The following CACNA1E variants were observed in gnomAD, a reference collection of about 807,000 sequenced individuals.
CACNA1E encodes the protein voltage-dependent R-type calcium channel subunit alpha-1E.
Under a neutral mutation model 259.2 loss-of-function variants are expected in CACNA1E, and 40 were observed. That is an observed-to-expected ratio of 0.15 (90% confidence interval 0.12 to 0.20). The LOEUF (loss-of-function observed/expected upper bound fraction) is 0.20, where lower values mean the gene tolerates loss of function less well. Ranked by LOEUF, CACNA1E falls within the 10% of genes least tolerant of loss-of-function variation. CACNA1E has a pLI of 1.00. For synonymous variants in CACNA1E, 1,104 were observed against 1,138.5 expected (o/e 0.97, Z 0.61); for missense variants, 1,874 against 3,040.1 (o/e 0.62, Z 9.02).
intron 2 of CACNA1E, among the ~76,000 whole-genome samples, chr1:181,459,691 C>A (rs1288069800): frequency 1.3e-5 from 2 of 152,222 alleles, no homozygotes; most frequent in African/African-American, 4.8e-5. Context: ...CCAGTTGTCA[C>A]TGCAGTGACT....
At chr1:181,481,831 AT>A (rs112307667), upstream of CACNA1E, among the ~76,000 whole-genome samples, 18,226 of 140,810 alleles carry the variant, frequency 0.13, 1,175 homozygotes, top group Non-Finnish European at 0.15. Context: ...TACCAATTCT[AT>A]TTTTTTTTTT....
At chr1:181,612,184 A>T (rs569319478) in intron 6 of CACNA1E, among the ~76,000 whole-genome samples, 1 of 152,300 alleles carries the variant, frequency 6.6e-6, no homozygotes, top group African/African-American at 2.4e-5. Context: ...CCATCCCAAC[A>T]TCTGTAGGGA....
intron 2 of CACNA1E, among the ~76,000 whole-genome samples, chr1:181,421,751 T>C (rs1658760123): frequency 1.3e-5 from 2 of 152,182 alleles, no homozygotes. Context: ...CTCCCAAACA[T>C]ATCCCAAGTC....
At chr1:181,527,973 A>C (rs1170791276) in intron 3 of CACNA1E, among the ~76,000 whole-genome samples, 1 of 151,892 alleles carries the variant, frequency 6.6e-6, no homozygotes, top group Non-Finnish European at 1.5e-5. Flanking sequence ...CTTTTAAACC[A>C]GTTTTTTATA....
chr1:181,773,219 G>C (rs570643458), intron 37 of CACNA1E, among the ~76,000 whole-genome samples: 12 of 152,300 alleles, frequency 7.9e-5, no homozygotes, highest in African/African-American at 2.9e-4. Context: ...TCTCCAGTGA[G>C]GGGGGTGGGC....
chr1:181,383,968 T>C (rs1655653174), intron 1 of CACNA1E, among the ~76,000 whole-genome samples: 1 of 152,258 alleles, frequency 6.6e-6, no homozygotes, highest in Non-Finnish European at 1.5e-5. Flanking sequence ...CAACTTTCCA[T>C]GCCTCTGCTA....
chr1:181,749,693 T>G (rs549143506), intron 25 of CACNA1E, among the ~76,000 whole-genome samples: 2 of 152,340 alleles, frequency 1.3e-5, no homozygotes, highest in Non-Finnish European at 2.9e-5. Context: ...TCAAAAAATT[T>G]AGAAGTTGTC....
chr1:181,591,103 G>T (rs141149299), intron 6 of CACNA1E, among the ~76,000 whole-genome samples: 1 of 152,310 alleles, frequency 6.6e-6, no homozygotes, highest in African/African-American at 2.4e-5. Context: ...TGAGGAAATA[G>T]AAAATGAAGG....
intron 1 of CACNA1E, among the ~76,000 whole-genome samples, chr1:181,322,893 G>C (rs1306047256): frequency 6.6e-6 from 1 of 152,194 alleles, no homozygotes; most frequent in Non-Finnish European, 1.5e-5. Flanking sequence ...GGGGCTGAGG[G>C]AGGGCACAGC....
At chr1:181,549,051 G>T (rs549493936) in intron 3 of CACNA1E, among the ~76,000 whole-genome samples, 168 of 152,132 alleles carry the variant, frequency 1.1e-3, no homozygotes, top group Non-Finnish European at 1.8e-3. Flanking sequence ...ATTCTTAATC[G>T]ATCCCAAGCC....
intron 1 of CACNA1E, among the ~76,000 whole-genome samples, chr1:181,488,485 A>T (rs556740633): frequency 5.9e-5 from 9 of 152,348 alleles, no homozygotes; most frequent in Admixed American, 2.6e-4. Context: ...TGAGCATCCC[A>T]GGACAATCTC....
chr1:181,539,851 A>G (rs1250888017), intron 3 of CACNA1E, among the ~76,000 whole-genome samples: 2 of 152,218 alleles, frequency 1.3e-5, no homozygotes, highest in South Asian at 2.1e-4. Context: ...TAGTGGCCAC[A>G]TGTAAAAGTG....
chr1:181,561,374 G>T (rs1275833615), intron 3 of CACNA1E, among the ~76,000 whole-genome samples: 1 of 152,104 alleles, frequency 6.6e-6, no homozygotes, highest in Non-Finnish European at 1.5e-5. Context: ...AATGTATATA[G>T]TTGGCTAACT....
At chr1:181,588,034 C>A (rs1008958296) in intron 6 of CACNA1E, among the ~76,000 whole-genome samples, 2 of 152,234 alleles carry the variant, frequency 1.3e-5, no homozygotes, top group African/African-American at 4.8e-5. Context: ...TTGATGCTCG[C>A]ACTGCCCCCA....
intron 2 of CACNA1E, among the ~76,000 whole-genome samples, chr1:181,416,780 A>G (rs1658305168): frequency 6.6e-6 from 1 of 152,142 alleles, no homozygotes; most frequent in African/African-American, 2.4e-5. Context: ...CGTGCATGTC[A>G]TCAGATAATA....
intron 7 of CACNA1E, among the ~76,000 whole-genome samples, chr1:181,699,404 A>T (rs932419693): frequency 1.4e-4 from 22 of 152,222 alleles, no homozygotes; most frequent in African/African-American, 4.8e-4. Context: ...TAATGGGGCC[A>T]TTAATTTTAA....
chr1:181,704,625 AGTGT>A (rs1200827433), intron 7 of CACNA1E, among the ~76,000 whole-genome samples: 1 of 152,054 alleles, frequency 6.6e-6, no homozygotes. Context: ...TGCCAGGATG[AGTGT>A]GTGTTTCCAT....
chr1:181,537,080 G>A (rs985417443), intron 3 of CACNA1E, among the ~76,000 whole-genome samples: 1 of 137,622 alleles, frequency 7.3e-6, no homozygotes, highest in African/African-American at 2.7e-5. Flanking sequence ...GGGGGCCGTG[G>A]TTTCTTTTTC....
At chr1:181,475,590 AC>A (rs1662788682) in intron 2 of CACNA1E, among the ~76,000 whole-genome samples, 1 of 152,158 alleles carries the variant, frequency 6.6e-6, no homozygotes, top group Admixed American at 6.5e-5. Context: ...TTGTTTATGT[AC>A]CTCATACTAT....
Sources: allele counts gnomAD v4.1 joint callset (sites outside exome capture counted in the v4.1 genomes callset), GRCh38; gene constraint gnomAD v4.1.1; transcripts MANE v1.5; gene names NCBI Gene and HGNC (gene_info 2026-07-23, HGNC 2026-07-21).